Variants in AOPEP observed in about 807,000 individuals in gnomAD.
The protein encoded by AOPEP is aminopeptidase O.
A neutral mutation model predicts 98.1 loss-of-function variants in AOPEP; 77 were observed. The ratio of observed to expected loss-of-function variants is 0.78; its 90% confidence interval spans 0.65 to 0.95. The LOEUF is 0.95. Among genes scored for constraint, AOPEP ranks in the 40% least tolerant of loss-of-function variants. AOPEP has a pLI of 0.00. For missense variants in AOPEP, 1,024 were observed against 1,024.7 expected (o/e 1.00, Z 0.01); for synonymous variants, 346 against 365.3 (o/e 0.95, Z 0.60).
intron 5 of AOPEP, among the ~76,000 whole-genome samples, chr9:94,836,761 G>A (rs1267579522): frequency 6.6e-6 from 1 of 152,036 alleles, no homozygotes; most frequent in Non-Finnish European, 1.5e-5. Flanking sequence ...GTTATGGGTA[G>A]GAATTCTTTG....
At chr9:95,111,437 C>T in the AOPEP span, 2 of 1,606,848 alleles carry the variant, frequency 1.2e-6, no homozygotes, top group Admixed American at 1.7e-5. Context: ...CCACCCCAAA[C>T]ACATGCAGTG....
At chr9:94,763,256 A>T (rs1838790075) in intron 2 of AOPEP, 1 of 227,388 alleles carries the variant, frequency 4.4e-6, no homozygotes, top group Non-Finnish European at 9.8e-6. Context: ...TTTAAAACAT[A>T]AATTTATTAT....
At chr9:95,120,050 T>A in the AOPEP span, among the ~76,000 whole-genome samples, 3 of 152,156 alleles carry the variant, frequency 2.0e-5, no homozygotes, top group Non-Finnish European at 4.4e-5. Context: ...ATTTATCCAT[T>A]TTTTCCTATG....
intron 7 of AOPEP, among the ~76,000 whole-genome samples, chr9:94,933,897 G>A (rs1343139604): frequency 2.0e-5 from 3 of 151,802 alleles, no homozygotes; most frequent in African/African-American, 7.3e-5. Context: ...ACAGGTGCCC[G>A]CCACCACACC....
At chr9:95,144,224 A>T in the AOPEP span, among the ~76,000 whole-genome samples, 1 of 152,224 alleles carries the variant, frequency 6.6e-6, no homozygotes, top group Non-Finnish European at 1.5e-5. Context: ...CGCCTACGGG[A>T]AAGTGTCCAT....
At chr9:95,107,354 A>G in the AOPEP span, 3 of 1,443,304 alleles carry the variant, frequency 2.1e-6, no homozygotes, top group Admixed American at 2.0e-5. Context: ...CTTTGAAACA[A>G]CCCCCAGAAA....
intron 14 of AOPEP, among the ~76,000 whole-genome samples, chr9:95,079,585 AGAGCATGTGCCTGCAGCACC>A (rs1487262121): frequency 6.6e-6 from 1 of 152,202 alleles, no homozygotes; most frequent in Non-Finnish European, 1.5e-5. Context: ...ATCTTCTTGT[AGAGCATGTGCCTGCAGCACC>A]GAGCAATGCC....
At chr9:95,114,575 G>A in the AOPEP span, 2 of 1,485,876 alleles carry the variant, frequency 1.3e-6, no homozygotes, top group African/African-American at 2.8e-5. Context: ...GGCAGATGAG[G>A]ATCTAGGGAA....
chr9:94,891,830 CCTT>C (rs1372776463), intron 5 of AOPEP, among the ~76,000 whole-genome samples: 55 of 152,260 alleles, frequency 3.6e-4, no homozygotes, highest in African/African-American at 1.3e-3. Flanking sequence ...AATGTCCCAA[CCTT>C]CTTCTGTTAT....
the AOPEP span, among the ~76,000 whole-genome samples, chr9:95,136,224 T>C: frequency 1.3e-5 from 2 of 151,922 alleles, no homozygotes; most frequent in Non-Finnish European, 2.9e-5. Context: ...GCCCTGCTTC[T>C]ACAAAAAAAA....
At chr9:95,072,799 C>T (rs2068642346) in intron 14 of AOPEP, among the ~76,000 whole-genome samples, 1 of 152,182 alleles carries the variant, frequency 6.6e-6, no homozygotes, top group Non-Finnish European at 1.5e-5. Context: ...GTCACGGGAC[C>T]TGTGTCCCAA....
At chr9:94,754,800 A>G (rs1037636792) in intron 1 of AOPEP, among the ~76,000 whole-genome samples, 5 of 152,242 alleles carry the variant, frequency 3.3e-5, no homozygotes, top group Non-Finnish European at 5.9e-5. Context: ...TCGTGAGGAT[A>G]CACGTTGCTT....
At chr9:94,913,906 A>C (rs1421201121) in intron 5 of AOPEP, among the ~76,000 whole-genome samples, 1 of 152,258 alleles carries the variant, frequency 6.6e-6, no homozygotes, top group East Asian at 1.9e-4. Flanking sequence ...TCACAAATAC[A>C]ATAAACCCAA....
intron 2 of AOPEP, among the ~76,000 whole-genome samples, chr9:94,761,217 A>T (rs1341893362): frequency 6.6e-6 from 1 of 152,168 alleles, no homozygotes; most frequent in Admixed American, 6.5e-5. Flanking sequence ...TACCAGAAAG[A>T]CCGCTGGGTT....
intron 5 of AOPEP, chr9:94,824,329 A>G (rs895763615): frequency 2.6e-5 from 4 of 152,198 alleles, no homozygotes; most frequent in African/African-American, 7.2e-5. Flanking sequence ...TAAGATGTCA[A>G]ATCGACTGAG....
chr9:94,926,225 G>T (rs1461675932), intron 6 of AOPEP, among the ~76,000 whole-genome samples: 3 of 152,144 alleles, frequency 2.0e-5, no homozygotes, highest in Non-Finnish European at 4.4e-5. Flanking sequence ...TGCTGGCTTG[G>T]TCCTGCCTCT....
At chr9:95,015,807 A>G (rs981200467) in intron 13 of AOPEP, among the ~76,000 whole-genome samples, 4 of 152,318 alleles carry the variant, frequency 2.6e-5, no homozygotes, top group South Asian at 2.1e-4. Flanking sequence ...CGAGGATACC[A>G]TAATTTGTAT....
At chr9:94,789,694 C>A (rs903855842) in intron 3 of AOPEP, among the ~76,000 whole-genome samples, 5 of 152,108 alleles carry the variant, frequency 3.3e-5, no homozygotes, top group Non-Finnish European at 7.4e-5. Flanking sequence ...CATGTCATAT[C>A]CATGTCATTC....
chr9:94,811,546 C>T (rs935458085), intron 5 of AOPEP, among the ~76,000 whole-genome samples: 5 of 152,238 alleles, frequency 3.3e-5, no homozygotes, highest in Non-Finnish European at 5.9e-5. Flanking sequence ...CCCCCACCAC[C>T]ACTTTGGCTT....
Sources: allele counts gnomAD v4.1 joint callset (sites outside exome capture counted in the v4.1 genomes callset), GRCh38; gene constraint gnomAD v4.1.1; transcripts MANE v1.5; gene names NCBI Gene and HGNC (gene_info 2026-07-23, HGNC 2026-07-21).